CFHR1: variants seen among roughly 807,000 people sequenced by gnomAD.
CFHR1 encodes complement factor H related 1, also known as complement factor H-related protein 1.
Under a neutral mutation model 30.4 loss-of-function variants are expected in CFHR1, and 22 were observed. The observed-to-expected ratio is 0.72, with a 90% CI of 0.52 to 1.03. CFHR1 has a LOEUF of 1.03. Ranked by LOEUF, CFHR1 falls within the 50% of genes least tolerant of loss-of-function variation. CFHR1 has a pLI of 0.00. For synonymous variants in CFHR1, 95 were observed against 129.1 expected, an observed-to-expected ratio of 0.74 and a Z score of 1.79; for missense variants, 248 against 380.6, an observed-to-expected ratio of 0.65 and a Z score of 2.90.
At chr1:196,825,788 A>C in intron 2 of CFHR1, 117 bp downstream of exon 2, 1 of 1,042,978 alleles carries the variant, frequency 9.6e-7, no homozygotes. Flanking sequence ...AGCTGGAAAG[A>C]TGGGAGATGT....
chr1:196,830,648 A>G lies in CFHR1; in HGVS notation c.756A>G (p.Arg252=), dbSNP rs139600477. Reference sequence around the variant, plus strand: ...AGGGTAACAAGCGAATAACATGTAGAAATGGACAATGGTCAGAACCACCAA... The same window carrying G: ...AGGGTAACAAGCGAATAACATGTAGGAATGGACAATGGTCAGAACCACCAA... ...QLEGNKRITC[R]NGQWSEPPKC... is the part of the protein sequence containing the mutation. Residue 252 remains arginine (R), a synonymous_variant, in exon 5 of 6, where the codon AGA becomes AGG. Transcript: ENST00000320493. The G allele has an allele frequency of 1.5e-4, 223 of 1,524,940 alleles. 45 individuals are homozygous for G. Among genetic ancestry groups the G allele is most frequent in the Non-Finnish European group, 2.5e-5 (28 of 1,129,266 alleles). 94.5% of individuals were successfully genotyped at this position (1,524,940 alleles called of 1,614,324 possible). A position where few individuals can be genotyped will look rare whatever the true frequency, so the allele number is the denominator to read the frequency against.
intron 5 of CFHR1, among the ~76,000 whole-genome samples, chr1:196,831,145 C>T (rs1004431111): frequency 2.2e-5 from 3 of 135,454 alleles, no homozygotes; most frequent in East Asian, 2.0e-4. Flanking sequence ...AAAAACAACA[C>T]AAAAAAGTAA....
rs1332779618 is a variant in CFHR1, at chr1:196,832,053, T to C, written c.*54T>C. On this transcript the variant is annotated 3_prime_UTR_variant, in exon 6 of 6. Transcript: ENST00000320493. ...CAGAACTTTAGTATTAAATCAGTTC[T>C]TAATTTCATTTTTAAGTATTGTTTT... The C allele has an allele frequency of 7.0e-7, 1 of 1,438,362 alleles. No individual in the cohort carries two copies. Among genetic ancestry groups the C allele is most frequent in the Admixed American group, 1.8e-5 (1 of 56,772 alleles). The allele number at this position is 1,438,362 out of a possible 1,614,324, so 89.1% of individuals were successfully genotyped here. A position where few individuals can be genotyped will look rare whatever the true frequency, so the allele number is the denominator to read the frequency against.
chr1:196,825,749 T>G, intron 2 of CFHR1, 78 bp downstream of exon 2: 1 of 1,354,242 alleles, frequency 7.4e-7, no homozygotes, highest in South Asian at 1.4e-5. Flanking sequence ...TCATAAGGTC[T>G]TGATAATCAC....
Position 196,824,346 on chromosome 1 carries a change from C to T in CFHR1, c.59-1131C>T, listed in dbSNP as rs1469400274. 1.5e-5 allele frequency among the ~76,000 whole-genome samples: 2 copies of T among 133,802 alleles called. 1 individual carries two copies. The highest frequency in any genetic ancestry group is 6.5e-5 in the African/African-American group (2 of 30,830). The allele number at this position is 133,802 out of a possible 152,430, so 87.8% of individuals were successfully genotyped here. On this transcript the variant is annotated intron_variant, in intron 1 of 5. Coordinates refer to ENST00000320493, the MANE Select transcript of CFHR1 (RefSeq NM_002113.3). Reference sequence around the variant, plus strand: ...GATCTCCGCTCACTGCAACCTCCCCCTCCTGGGTTCAAGTGATTCTTCTGC... The same window carrying T: ...GATCTCCGCTCACTGCAACCTCCCCTTCCTGGGTTCAAGTGATTCTTCTGC...
At position 196,827,425 on chromosome 1, in the gene CFHR1, CA is replaced by C. The variant is rs1193581664; in HGVS notation, c.430+421del. 1.5e-5 allele frequency among the ~76,000 whole-genome samples: 2 copies of C among 135,414 alleles called. 1 individual carries two copies. The highest frequency in any genetic ancestry group is 3.1e-5 in the Non-Finnish European group (2 of 64,338). The allele number at this position is 135,414 out of a possible 152,430, so 88.8% of individuals were successfully genotyped here. A position where few individuals can be genotyped will look rare whatever the true frequency, so the allele number is the denominator to read the frequency against. On this transcript the variant is annotated intron_variant, in intron 3 of 5. Coordinates refer to ENST00000320493, the MANE Select transcript of CFHR1 (RefSeq NM_002113.3). ...ACCTGAAACTCTCTGATGAATTTTG[CA>C]TTGTTCAGCATAGTATCCTTAATCA... is the stretch of plus-strand genomic sequence containing the variant.
intron 4 of CFHR1, among the ~76,000 whole-genome samples, chr1:196,829,896 T>C (rs957699524): frequency 1.5e-5 from 2 of 134,556 alleles, no homozygotes; most frequent in African/African-American, 6.4e-5. Flanking sequence ...CCCAATATCC[T>C]TTCTCTTCTT....
rs1459320039 is a variant in CFHR1 at position 196,829,985 on chromosome 1, G to A, written c.608-515G>A. Among the ~76,000 whole-genome samples, 3 of 134,688 alleles carry A rather than the reference G, an allele frequency of 2.2e-5. 1 individual carries two copies. The East Asian group carries it at 5.9e-4, about 26-fold the overall frequency. The allele number at this position is 134,688 out of a possible 152,430, so 88.4% of individuals were successfully genotyped here. A position where few individuals can be genotyped will look rare whatever the true frequency, so the allele number is the denominator to read the frequency against. ...TTTTTGTTTTCAGTCTATTTTCAGA[G>A]TGGGTAATTTATATTGCTGTATGTT... On this transcript the variant is annotated intron_variant, in intron 4 of 5. Transcript: ENST00000320493.
rs775562178 is a variant in CFHR1, at chr1:196,828,157, G to C, written c.518G>C (p.Arg173Pro). ...MSKYPSGERVRYECRSPYEMF... is the reference protein window; with the variant it reads ...MSKYPSGERVPYECRSPYEMF... ...AAATATCCATCTGGTGAGAGAGTAC[G>C]TTATGAATGTAGGAGCCCTTATGAA... is the stretch of plus-strand genomic sequence containing the variant. Residue 173 changes from arginine to proline, a missense_variant, in exon 4 of 6, where the codon CGT (arginine) becomes CCT (proline). By Grantham distance (103) the Arg-to-Pro change is moderately radical. This residue lies in a region of CFHR1 where 15 missense variants were observed against 61.7 expected (regional missense o/e 0.24). Transcript: ENST00000320493. 3.3e-6 allele frequency: 4 copies of C among 1,217,602 alleles called. 1 individual carries two copies. The African/African-American group carries it at 1.2e-4, about 35-fold the overall frequency. The allele number at this position is 1,217,602 out of a possible 1,614,324, so 75.4% of individuals were successfully genotyped here.
intron 3 of CFHR1, 70 bp downstream of exon 3, chr1:196,827,075 C>A: frequency 7.2e-7 from 1 of 1,394,224 alleles, no homozygotes; most frequent in Non-Finnish European, 9.8e-7. Context: ...ATCTTTTTTA[C>A]AGGTTAAATA....
Position 196,830,451 on chromosome 1 carries a change from T to A in CFHR1, c.608-49T>A, listed in dbSNP as rs775171850. 22 of 1,501,932 alleles carry A rather than the reference T, an allele frequency of 1.5e-5. 5 individuals carry two copies. The South Asian group carries it at 2.5e-4, about 17-fold the overall frequency. The allele number at this position is 1,501,932 out of a possible 1,614,324, so 93.0% of individuals were successfully genotyped here. On this transcript the variant is annotated intron_variant, in intron 4 of 5. Coordinates refer to ENST00000320493, the MANE Select transcript of CFHR1 (RefSeq NM_002113.3). ...TGTATTTGCCTTATTTGAACTTGTATTTTGATTTGCTCTCACAATAAATCA... is the reference window on the plus strand; with the variant it reads ...TGTATTTGCCTTATTTGAACTTGTAATTTGATTTGCTCTCACAATAAATCA...
chr1:196,831,919 C>T lies in CFHR1; in HGVS notation c.913C>T (p.Arg305Cys), dbSNP rs267598271. The T allele has an allele frequency of 1.4e-5, 22 of 1,525,280 alleles. 3 individuals carry two copies. The highest frequency in any genetic ancestry group is 1.8e-5 in the Non-Finnish European group (20 of 1,129,198). 94.5% of individuals were successfully genotyped at this position (1,525,280 alleles called of 1,614,324 possible). ...TGAATTTGTGTGTAAACGGGGATAT[C>T]GTCTTTCATCACGTTCTCACACATT... ...SAEFVCKRGY[R>C]LSSRSHTLRT... is the part of the protein sequence containing the mutation. The change falls in exon 6 of 6, where the codon CGT (arginine) becomes TGT (cysteine). Residue 305 changes from arginine (R) to cysteine (C), a missense_variant. This residue lies in a region of CFHR1 where 112 missense variants were observed against 156.4 expected (regional missense o/e 0.72). Coordinates refer to ENST00000320493, the MANE Select transcript of CFHR1 (RefSeq NM_002113.3).
At chr1:196,830,709 G>A in intron 5 of CFHR1, 27 bp downstream of exon 5, 1 of 1,519,626 alleles carries the variant, frequency 6.6e-7, no homozygotes, top group Non-Finnish European at 8.9e-7. Flanking sequence ...TCACGTGGCT[G>A]GAAAAATCAG....
chr1:196,826,828 G>A lies in CFHR1; in HGVS notation c.254-1G>A, dbSNP rs1368535515. ...TACATTAATCCGTTTTTGGTCCTTA[G>A]GACTGTGTTTCTTTCCTTTTGTGGA... On this transcript the variant is annotated splice_acceptor_variant, in intron 2 of 5. Transcript: ENST00000320493. LOFTEE classifies it high-confidence loss of function. The A allele has an allele frequency of 6.6e-7, 1 of 1,522,962 alleles. No homozygotes were observed. The highest frequency in any genetic ancestry group is 8.9e-7 in the Non-Finnish European group (1 of 1,128,336). 94.3% of individuals were successfully genotyped at this position (1,522,962 alleles called of 1,614,324 possible).
chr1:196,824,210 T>C (rs1655233410), intron 1 of CFHR1, among the ~76,000 whole-genome samples: 1 of 133,976 alleles, frequency 7.5e-6, no homozygotes, highest in Admixed American at 7.2e-5. Context: ...AATGGTGTAG[T>C]ATTTGTACAT....
At chr1:196,829,012 G>T (rs1655446687) in intron 4 of CFHR1, among the ~76,000 whole-genome samples, 1 of 133,504 alleles carries the variant, frequency 7.5e-6, no homozygotes, top group African/African-American at 3.2e-5. Context: ...TTCCCTCTGG[G>T]TTTCAGTCCT....
At chr1:196,824,748 G>GTATATATATATATATATATATATATATA (rs71131725) in intron 1 of CFHR1, among the ~76,000 whole-genome samples, 7 of 55,008 alleles carry the variant, frequency 1.3e-4, no homozygotes, top group Admixed American at 2.1e-4. Context: ...GGGGCTGACT[G>GTATATATATATATATATATATATATATA]TATATATATA....
chr1:196,828,348 A>G lies in CFHR1; in HGVS notation c.607+102A>G. 3 of 903,606 alleles carry G rather than the reference A, an allele frequency of 3.3e-6. 1 individual carries two copies. Among genetic ancestry groups the G allele is most frequent in the Non-Finnish European group, 4.8e-6 (3 of 628,028 alleles). The allele number at this position is 903,606 out of a possible 1,614,324, so 56.0% of individuals were successfully genotyped here. A position where few individuals can be genotyped will look rare whatever the true frequency, so the allele number is the denominator to read the frequency against. On this transcript the variant is annotated intron_variant, in intron 4 of 5. Coordinates refer to ENST00000320493, the MANE Select transcript of CFHR1 (RefSeq NM_002113.3). The stretch of plus-strand genomic sequence containing the variant: ...TCATTTTTATTAATAGATTTTTCAA[A>G]TGCAAATAAAATGATTGATGGTGCT...
rs1387501774 is a variant in CFHR1 at position 196,832,121 on chromosome 1, A to G, written c.*122A>G. 1.0e-6 allele frequency: 1 copy of G among 961,568 alleles called. No individual in the cohort carries two copies. The highest frequency in any genetic ancestry group is 2.6e-5 in the East Asian group (1 of 38,098). 59.6% of individuals were successfully genotyped at this position (961,568 alleles called of 1,614,324 possible). On this transcript the variant is annotated 3_prime_UTR_variant, in exon 6 of 6. Coordinates refer to ENST00000320493, the MANE Select transcript of CFHR1 (RefSeq NM_002113.3). ...CGTAAAATTTTGGATTAATTTGTGAAAATGTAATTATAAGCTGAGACCGGT... is the reference window on the plus strand; with the variant it reads ...CGTAAAATTTTGGATTAATTTGTGAGAATGTAATTATAAGCTGAGACCGGT...
Sources: gnomAD v4.1 joint callset for allele counts (sites outside exome capture counted in the v4.1 genomes callset) on GRCh38, gnomAD v4.1.1 for gene constraint, gnomAD v4.1.1 regional missense constraint, MANE v1.5 for transcripts, NCBI Gene and HGNC (gene_info 2026-07-23, HGNC 2026-07-21) for gene names.